The following CEP63 variants were observed in gnomAD, a reference collection of about 807,000 sequenced individuals.
The protein encoded by CEP63 is centrosomal protein of 63 kDa.
Under a neutral mutation model 89.1 loss-of-function variants are expected in CEP63, and 84 were observed. That is an observed-to-expected ratio of 0.94 (90% CI 0.79 to 1.13). The LOEUF is 1.13. Among genes scored for constraint, CEP63 ranks in the 50% most tolerant of loss-of-function variants. The probability of loss-of-function intolerance (pLI) is 0.00; values close to 1 mark genes in which losing one functional copy is unlikely to be tolerated. For synonymous variants in CEP63, 267 were observed against 272.5 expected (o/e 0.98, Z 0.20); for missense variants, 838 against 813.3 (o/e 1.03, Z -0.37).
the CEP63 span, among the ~76,000 whole-genome samples, chr3:134,594,987 C>T: frequency 1.3e-5 from 2 of 152,146 alleles, no homozygotes; most frequent in Non-Finnish European, 2.9e-5. Flanking sequence ...ATCCTGGGAC[C>T]TTTGGTTTGA....
the CEP63 span, among the ~76,000 whole-genome samples, chr3:134,715,383 TAC>T: frequency 7.0e-6 from 1 of 141,906 alleles, no homozygotes; most frequent in African/African-American, 3.1e-5. Flanking sequence ...GCACAACTTC[TAC>T]TGGTTCCTGT....
At chr3:134,662,624 A>G in the CEP63 span, among the ~76,000 whole-genome samples, 1 of 152,212 alleles carries the variant, frequency 6.6e-6, no homozygotes, top group African/African-American at 2.4e-5. Flanking sequence ...GCAGCTATTC[A>G]GCATGAATAA....
At position 134,532,795 on chromosome 3, in the gene CEP63, A is replaced by G. The variant is rs1950098526; in HGVS notation, c.336A>G (p.Arg112=). ...TTCTACAGTTATGCATACTGAAGAGAAGCTATGAAAAGCTTCAGAAAAAGC... is the reference window on the plus strand; with the variant it reads ...TTCTACAGTTATGCATACTGAAGAGGAGCTATGAAAAGCTTCAGAAAAAGC... ...KLHEELCILK[R]SYEKLQKKQM... is the part of the protein sequence containing the mutation. The change falls in exon 5 of 15, where the codon AGA becomes AGG. Residue 112 remains arginine, a synonymous_variant. Coordinates refer to ENST00000675561, the MANE Select transcript of CEP63 (RefSeq NM_001353108.3). 2 of 1,603,432 alleles carry G rather than the reference A, an allele frequency of 1.2e-6. No individual in the cohort carries two copies. The highest frequency in any genetic ancestry group is 1.7e-5 in the Admixed American group (1 of 59,976).
intron 1 of CEP63, chr3:134,486,493 C>G (rs369409733): frequency 3.0e-6 from 3 of 985,756 alleles, no homozygotes. Context: ...GGGGTTCGGC[C>G]CCGCCAGGTG....
chr3:134,600,385 C>T, the CEP63 span, among the ~76,000 whole-genome samples: 2 of 152,170 alleles, frequency 1.3e-5, no homozygotes, highest in African/African-American at 2.4e-5. Flanking sequence ...TATGTCTAGC[C>T]GAAATCCTTC....
At chr3:134,601,558 A>T in the CEP63 span, among the ~76,000 whole-genome samples, 1 of 151,902 alleles carries the variant, frequency 6.6e-6, no homozygotes, top group East Asian at 1.9e-4. Context: ...AGGGTGTAAA[A>T]CTCCCTTTGT....
chr3:134,526,928 G>C (rs1048656120), intron 3 of CEP63, among the ~76,000 whole-genome samples: 1 of 151,786 alleles, frequency 6.6e-6, no homozygotes, highest in Non-Finnish European at 1.5e-5. Context: ...GGGGGGGCTC[G>C]TATTGGGCCC....
chr3:134,494,979 C>T (rs1939273130), intron 1 of CEP63, among the ~76,000 whole-genome samples: 1 of 152,198 alleles, frequency 6.6e-6, no homozygotes, highest in African/African-American at 2.4e-5. Context: ...GTGTATCCGT[C>T]TGCTAGAGAG....
At position 134,510,131 on chromosome 3, in the gene CEP63, T is replaced by C. The variant is rs539074037; in HGVS notation, c.222+2845T>C. Among the ~76,000 whole-genome samples the C allele has an allele frequency of 8.5e-5, 13 of 152,308 alleles. No individual in the cohort carries two copies. In the South Asian group the frequency reaches 2.5e-3, roughly 29 times the overall value. On this transcript the variant is annotated intron_variant, in intron 3 of 14. Transcript: ENST00000675561. ...AATCAGAATGGAGCATCTCCTAAAG[T>C]TGTCAGTATGCTAGGGAGGGAAATT...
chr3:134,490,602 T>C (rs952081772), intron 1 of CEP63, among the ~76,000 whole-genome samples: 7 of 151,992 alleles, frequency 4.6e-5, no homozygotes, highest in Admixed American at 2.0e-4. Flanking sequence ...ACTGCTTTTT[T>C]CCCCATTTTG....
At chr3:134,666,763 A>G in the CEP63 span, among the ~76,000 whole-genome samples, 5 of 152,216 alleles carry the variant, frequency 3.3e-5, no homozygotes, top group Non-Finnish European at 7.3e-5. Context: ...TCATTTATCC[A>G]GCTCTGCTAC....
At chr3:134,583,460 T>G (rs565913771) in intron 10 of CEP63, among the ~76,000 whole-genome samples, 2 of 152,352 alleles carry the variant, frequency 1.3e-5, no homozygotes, top group East Asian at 3.9e-4. Flanking sequence ...TTCTTGTTTT[T>G]TTCAGGTTTG....
chr3:134,553,972 C>T (rs1336605333), intron 12 of CEP63, among the ~76,000 whole-genome samples: 1 of 152,180 alleles, frequency 6.6e-6, no homozygotes, highest in East Asian at 1.9e-4. Context: ...ATGAATATTA[C>T]ACTGTCATTG....
At chr3:134,612,008 C>T in the CEP63 span, among the ~76,000 whole-genome samples, 1 of 152,162 alleles carries the variant, frequency 6.6e-6, no homozygotes, top group Admixed American at 6.5e-5. Flanking sequence ...TTCTACTTTC[C>T]CAGCCATCAG....
chr3:134,772,748 C>T, the CEP63 span, among the ~76,000 whole-genome samples: 1 of 152,122 alleles, frequency 6.6e-6, no homozygotes, highest in Non-Finnish European at 1.5e-5. Context: ...TTCAGGCTTG[C>T]AGGACAAGCC....
the CEP63 span, among the ~76,000 whole-genome samples, chr3:134,633,527 A>G: frequency 1.3e-5 from 2 of 152,136 alleles, no homozygotes; most frequent in Non-Finnish European, 2.9e-5. Context: ...ATTGGTGTAG[A>G]AAAATGCATT....
chr3:134,650,619 A>G, the CEP63 span, among the ~76,000 whole-genome samples: 1 of 152,170 alleles, frequency 6.6e-6, no homozygotes, highest in Admixed American at 6.5e-5. Flanking sequence ...AACTGGGGCA[A>G]TCACGGGGCT....
At chr3:134,762,538 G>A in the CEP63 span, among the ~76,000 whole-genome samples, 2 of 152,112 alleles carry the variant, frequency 1.3e-5, no homozygotes, top group Non-Finnish European at 2.9e-5. Context: ...TCACTAGTAA[G>A]AGTCCTACTC....
At position 134,507,306 on chromosome 3, in the gene CEP63, C is replaced by G. The variant is rs755596129; in HGVS notation, c.222+20C>G. On this transcript the variant is annotated intron_variant, in intron 3 of 14. Coordinates refer to ENST00000675561, the MANE Select transcript of CEP63 (RefSeq NM_001353108.3). ...AAGGAGGTAAAGCAATTTATTTGTT[C>G]TTCTTTTTGACATTTTTATCTTGTC... is the stretch of plus-strand genomic sequence containing the variant. The G allele has an allele frequency of 1.8e-4, 289 of 1,576,556 alleles. No individual in the cohort carries two copies. The highest frequency in any genetic ancestry group is 2.4e-4 in the Non-Finnish European group (274 of 1,148,546).
Sources: allele counts gnomAD v4.1 joint callset (sites outside exome capture counted in the v4.1 genomes callset), GRCh38; gene constraint gnomAD v4.1.1; transcripts MANE v1.5; gene names NCBI Gene and HGNC (gene_info 2026-07-23, HGNC 2026-07-21).